KCNK2: variants seen among roughly 807,000 people sequenced by gnomAD.
The protein encoded by KCNK2 is potassium two pore domain channel subfamily K member 2.
KCNK2 carries 21 observed loss-of-function variants against 40.5 expected under a neutral mutation model. That is an observed-to-expected ratio of 0.52 (90% CI 0.37 to 0.75). The LOEUF is 0.75. KCNK2 is among the 30% of genes least tolerant of loss of function. The probability of loss-of-function intolerance (pLI) is 0.00; values close to 1 mark genes in which losing one functional copy is unlikely to be tolerated. For synonymous variants in KCNK2, 191 were observed against 202.2 expected (o/e 0.94, Z 0.47); for missense variants, 399 against 531.6 (o/e 0.75, Z 2.45).
chr1:215,063,003 G>T (rs1349577572), intron 1 of KCNK2, among the ~76,000 whole-genome samples: 3 of 152,160 alleles, frequency 2.0e-5, no homozygotes, highest in Non-Finnish European at 2.9e-5. Context: ...TTCCAGAAAG[G>T]TTCCTGTGAG....
Position 215,124,617 on chromosome 1 carries a change from C to T in KCNK2, c.358-16C>T. 1 of 1,485,070 alleles carries T rather than the reference C, an allele frequency of 6.7e-7. No individual in the cohort carries two copies. Among genetic ancestry groups the T allele is most frequent in the Non-Finnish European group, 9.4e-7 (1 of 1,062,600 alleles). 92.0% of individuals were successfully genotyped at this position (1,485,070 alleles called of 1,614,324 possible). A position where few individuals can be genotyped will look rare whatever the true frequency, so the allele number is the denominator to read the frequency against. On this transcript the variant is annotated splice_polypyrimidine_tract_variant and intron_variant, in intron 2 of 6. Coordinates refer to ENST00000444842, the MANE Select transcript of KCNK2 (RefSeq NM_001017425.3). The stretch of plus-strand genomic sequence containing the variant: ...GTGATTCATGTGTACTGATAAATTT[C>T]TTTTTAAACTTGCAGCAAATAGTGG...
At chr1:215,179,399 C>G (rs866758840) in intron 5 of KCNK2, among the ~76,000 whole-genome samples, 2 of 151,628 alleles carry the variant, frequency 1.3e-5, no homozygotes, top group South Asian at 2.1e-4. Context: ...TAACTTTAGT[C>G]ACTTCTGCTA....
chr1:215,058,832 GT>G (rs1253244636), intron 1 of KCNK2, among the ~76,000 whole-genome samples: 1 of 151,934 alleles, frequency 6.6e-6, no homozygotes, highest in Admixed American at 6.6e-5. Context: ...TTGAATGCCT[GT>G]TTCTTTTCTT....
intron 5 of KCNK2, among the ~76,000 whole-genome samples, chr1:215,192,824 ATAT>A (rs1390033347): frequency 6.6e-6 from 1 of 152,186 alleles, no homozygotes; most frequent in Non-Finnish European, 1.5e-5. Context: ...TTTGAAAGTA[ATAT>A]TATTCACTTT....
chr1:215,010,130 A>G (rs528956949), intron 1 of KCNK2, among the ~76,000 whole-genome samples: 21 of 152,276 alleles, frequency 1.4e-4, no homozygotes, highest in South Asian at 2.1e-4. Flanking sequence ...TGAGTCTAGT[A>G]ATCAGATGTC....
chr1:215,158,078 G>A (rs551457493), intron 3 of KCNK2, among the ~76,000 whole-genome samples: 2 of 152,340 alleles, frequency 1.3e-5, no homozygotes, highest in Admixed American at 1.3e-4. Context: ...CCAAGACACA[G>A]ATTCAGCTTT....
At chr1:215,044,973 A>T (rs1435670700) in intron 1 of KCNK2, among the ~76,000 whole-genome samples, 4 of 151,864 alleles carry the variant, frequency 2.6e-5, no homozygotes, top group Non-Finnish European at 5.9e-5. Flanking sequence ...GATCGAGACC[A>T]TCCTGGCTAA....
At chr1:215,189,774 C>A (rs1664591433) in intron 5 of KCNK2, among the ~76,000 whole-genome samples, 1 of 151,876 alleles carries the variant, frequency 6.6e-6, no homozygotes, top group South Asian at 2.1e-4. Flanking sequence ...GTGAGAAACA[C>A]CTTATTCAGT....
chr1:215,054,017 G>A (rs1022968784), intron 1 of KCNK2, among the ~76,000 whole-genome samples: 2 of 152,214 alleles, frequency 1.3e-5, no homozygotes, highest in Non-Finnish European at 2.9e-5. Context: ...GTATTGAGGA[G>A]TTTAAAGCTG....
intron 1 of KCNK2, among the ~76,000 whole-genome samples, chr1:215,065,156 G>A (rs1452636): frequency 0.51 from 77,994 of 152,030 alleles, 20,778 homozygotes; most frequent in South Asian, 0.81. Context: ...TATTTTAAAA[G>A]TTTCTTCTAA....
intron 1 of KCNK2, among the ~76,000 whole-genome samples, chr1:215,046,477 A>C (rs1657773861): frequency 6.6e-6 from 1 of 152,046 alleles, no homozygotes; most frequent in South Asian, 2.1e-4. Context: ...TCATTTTCTG[A>C]TATAAAATAC....
intron 1 of KCNK2, among the ~76,000 whole-genome samples, chr1:215,051,473 A>C (rs906008626): frequency 6.6e-6 from 1 of 152,166 alleles, no homozygotes; most frequent in Non-Finnish European, 1.5e-5. Flanking sequence ...GTTTATATTC[A>C]AAAGGGGAAT....
At chr1:215,164,435 A>G (rs961197947) in intron 3 of KCNK2, among the ~76,000 whole-genome samples, 1 of 151,738 alleles carries the variant, frequency 6.6e-6, no homozygotes, top group African/African-American at 2.4e-5. Context: ...CTCTGATCTT[A>G]GTTATTTCTT....
intron 2 of KCNK2, among the ~76,000 whole-genome samples, chr1:215,109,448 G>A (rs1660585281): frequency 6.6e-6 from 1 of 151,998 alleles, no homozygotes; most frequent in Non-Finnish European, 1.5e-5. Context: ...GTAAGAGTGA[G>A]AACATGTGAG....
At chr1:215,197,831 C>T (rs1050441516) in intron 6 of KCNK2, among the ~76,000 whole-genome samples, 1 of 152,134 alleles carries the variant, frequency 6.6e-6, no homozygotes, top group African/African-American at 2.4e-5. Context: ...GAAACTTCAT[C>T]TCTACTAAAA....
chr1:215,221,364 A>T (rs1012112898), intron 6 of KCNK2, among the ~76,000 whole-genome samples: 2 of 152,154 alleles, frequency 1.3e-5, no homozygotes, highest in East Asian at 3.9e-4. Context: ...ACAGAGTGAG[A>T]CTCCATCTCA....
chr1:215,162,479 T>A (rs1240429819), intron 3 of KCNK2, among the ~76,000 whole-genome samples: 3 of 151,954 alleles, frequency 2.0e-5, no homozygotes, highest in Non-Finnish European at 4.4e-5. Context: ...GGTGTTTTAG[T>A]CATGAAATCT....
intron 4 of KCNK2, 42 bp downstream of exon 4, chr1:215,169,401 AT>A: frequency 6.9e-7 from 1 of 1,455,662 alleles, no homozygotes; most frequent in Non-Finnish European, 9.3e-7. Flanking sequence ...TTATTGTTTG[AT>A]TTTTTTAAAA....
intron 1 of KCNK2, among the ~76,000 whole-genome samples, chr1:215,033,690 T>C (rs931239792): frequency 6.6e-6 from 1 of 152,126 alleles, no homozygotes; most frequent in Non-Finnish European, 1.5e-5. Flanking sequence ...ATTTCTCTTC[T>C]TCCATGTGGA....
Sources: gnomAD v4.1 joint callset for allele counts (sites outside exome capture counted in the v4.1 genomes callset) on GRCh38, gnomAD v4.1.1 for gene constraint, MANE v1.5 for transcripts, NCBI Gene and HGNC (gene_info 2026-07-23, HGNC 2026-07-21) for gene names.